TUT7: variants seen among roughly 807,000 people sequenced by gnomAD.
TUT7 encodes terminal uridylyl transferase 7, also known as terminal uridylyltransferase 7.
TUT7 carries 33 observed loss-of-function variants against 165.9 expected under a neutral mutation model. The observed-to-expected ratio is 0.20, with a 90% CI of 0.15 to 0.27. The LOEUF (loss-of-function observed/expected upper bound fraction) is 0.27. Among genes scored for constraint, TUT7 ranks in the 10% least tolerant of loss-of-function variants. The probability of loss-of-function intolerance (pLI) is 1.00; values close to 1 mark genes in which losing one functional copy is unlikely to be tolerated. For synonymous variants in TUT7, 552 were observed against 608.1 expected, an observed-to-expected ratio of 0.91 and a Z score of 1.36; for missense variants, 1,338 against 1,762.3, an observed-to-expected ratio of 0.76 and a Z score of 4.31.
chr9:86,344,812 T>C, intron 5 of TUT7, 165 bp downstream of exon 5: 1 of 638,358 alleles, frequency 1.6e-6, no homozygotes, highest in Non-Finnish European at 2.6e-6. Flanking sequence ...TGAAAGTCCT[T>C]GTTACCTTAG....
At chr9:86,324,178 G>C (rs1829579186) in intron 12 of TUT7, among the ~76,000 whole-genome samples, 1 of 152,052 alleles carries the variant, frequency 6.6e-6, no homozygotes, top group East Asian at 1.9e-4. Flanking sequence ...CTCTATGAAG[G>C]GAACCCATTC....
intron 2 of TUT7, among the ~76,000 whole-genome samples, chr9:86,347,424 T>C (rs926131720): frequency 6.6e-6 from 1 of 152,202 alleles, no homozygotes; most frequent in Non-Finnish European, 1.5e-5. Context: ...AACACATTAG[T>C]GCTTGGAAAC....
chr9:86,351,696 C>G (rs961402899), intron 2 of TUT7, among the ~76,000 whole-genome samples: 1 of 152,168 alleles, frequency 6.6e-6, no homozygotes, highest in African/African-American at 2.4e-5. Flanking sequence ...AGAGAAAAGG[C>G]ATCGGGTGAT....
At chr9:86,305,371 C>T (rs1827369036) in intron 22 of TUT7, 132 bp from the exon 23 acceptor site, 1 of 626,754 alleles carries the variant, frequency 1.6e-6, no homozygotes, top group Admixed American at 3.6e-5. Flanking sequence ...TTTAAATTCA[C>T]ATGATAGAAA....
chr9:86,344,865 A>C, intron 5 of TUT7, 112 bp downstream of exon 5: 6 of 1,071,876 alleles, frequency 5.6e-6, no homozygotes, highest in Non-Finnish European at 7.8e-6. Flanking sequence ...AGAAAACACA[A>C]GAGCTTCATG....
intron 6 of TUT7, among the ~76,000 whole-genome samples, chr9:86,342,187 G>C (rs1831383660): frequency 6.6e-6 from 1 of 152,000 alleles, no homozygotes; most frequent in Non-Finnish European, 1.5e-5. Flanking sequence ...TTTTGAGAGA[G>C]GTGGGGCTGG....
intron 25 of TUT7, 98 bp from the exon 26 acceptor site, chr9:86,301,699 G>A: frequency 6.6e-7 from 1 of 1,512,248 alleles, no homozygotes; most frequent in Non-Finnish European, 8.8e-7. Flanking sequence ...AGATTTAAGA[G>A]ATGACCAGGA....
rs369805048 is a variant in TUT7 at position 86,350,328 on chromosome 9, C to T, written c.520+2352G>A. ...CCTGGGCTACAGAGCGAGACTCCAT[C>T]TCAAAAAAGAGAATAATAATAATAA... is the stretch of plus-strand genomic sequence containing the variant. On this transcript the variant is annotated intron_variant, in intron 2 of 26. Coordinates refer to ENST00000375963, the MANE Select transcript of TUT7 (RefSeq NM_024617.4). Among the ~76,000 whole-genome samples, 12 of 151,980 alleles carry T rather than the reference C, an allele frequency of 7.9e-5. 1 individual carries two copies. In the East Asian group the frequency reaches 1.4e-3, roughly 17 times the overall value.
At chr9:86,337,351 T>C (rs1039933718) in intron 10 of TUT7, 68 bp downstream of exon 10, 5 of 1,536,724 alleles carry the variant, frequency 3.3e-6, no homozygotes, top group Non-Finnish European at 4.4e-6. Context: ...TTTGAAATTA[T>C]GCAAAATTTA....
intron 10 of TUT7, among the ~76,000 whole-genome samples, chr9:86,329,390 G>A (rs1295087268): frequency 1.2e-4 from 18 of 152,026 alleles, no homozygotes. Flanking sequence ...AGGCATGGTG[G>A]CGCATGCCTG....
chr9:86,313,325 G>C (rs1240098263), intron 17 of TUT7, among the ~76,000 whole-genome samples: 1 of 152,082 alleles, frequency 6.6e-6, no homozygotes, highest in Non-Finnish European at 1.5e-5. Context: ...AACTGGGTGT[G>C]AACTTTCATG....
At position 86,323,326 on chromosome 9, in the gene TUT7, G is replaced by C. The variant is rs371448305; in HGVS notation, c.2424C>G (p.Asn808Lys). 67 of 1,613,950 alleles carry C rather than the reference G, an allele frequency of 4.2e-5. No homozygotes were observed. Among genetic ancestry groups the C allele is most frequent in the Middle Eastern group, 1.6e-4 (1 of 6,084 alleles). ...KECEGLATLD[N>K]KADLDGESTE... ...TACTTTCTCCATCAAGATCAGCCTTGTTATCTAAAGTGGCAAGTCCCTCAC... is the reference window on the plus strand; with the variant it reads ...TACTTTCTCCATCAAGATCAGCCTTCTTATCTAAAGTGGCAAGTCCCTCAC... Residue 808 changes from asparagine (N) to lysine (K), a missense_variant, in exon 13 of 27, where the codon AAC (asparagine) becomes AAG (lysine). Around this residue, in one of 7 missense-constraint regions of TUT7, gnomAD observed 425 missense variants for 474.9 expected, o/e 0.89. Coordinates refer to ENST00000375963, the MANE Select transcript of TUT7 (RefSeq NM_024617.4).
chr9:86,343,199 C>T, intron 5 of TUT7, 36 bp from the exon 6 acceptor site: 1 of 1,282,690 alleles, frequency 7.8e-7, no homozygotes, highest in Non-Finnish European at 1.1e-6. Context: ...GTAATAAATA[C>T]AGTAGAATTT....
In TUT7 at chr9:86,305,334, C is replaced by A. The variant is rs1827367080; in HGVS notation, c.3839-95G>T. 3 of 830,986 alleles carry A rather than the reference C, an allele frequency of 3.6e-6. No individual in the cohort carries two copies. In the South Asian group the frequency reaches 5.5e-5, roughly 15 times the overall value. 51.5% of individuals were successfully genotyped at this position (830,986 alleles called of 1,614,324 possible). On this transcript the variant is annotated intron_variant, in intron 22 of 26. Coordinates refer to ENST00000375963, the MANE Select transcript of TUT7 (RefSeq NM_024617.4). ...AGTTCATAAAACAAGACAAGAATAT[C>A]ATCTACTTTGCTTATCATTAATAAG...
intron 5 of TUT7, among the ~76,000 whole-genome samples, chr9:86,343,605 C>A (rs1831500712): frequency 6.6e-6 from 1 of 151,686 alleles, no homozygotes; most frequent in Non-Finnish European, 1.5e-5. Flanking sequence ...TAGAATGCAC[C>A]CATTGGTGTA....
rs553756813 is a variant in TUT7, at chr9:86,300,047, A to C, written c.4420+1229T>G. ...GAATGCTCAATGAATGTTAGCAACTATTATTATTGTAATTTCTTTTAAATA... is the reference window on the plus strand; with the variant it reads ...GAATGCTCAATGAATGTTAGCAACTCTTATTATTGTAATTTCTTTTAAATA... On this transcript the variant is annotated intron_variant, in intron 26 of 26. Coordinates refer to ENST00000375963, the MANE Select transcript of TUT7 (RefSeq NM_024617.4). 3.3e-5 allele frequency among the ~76,000 whole-genome samples: 5 copies of C among 152,354 alleles called. No homozygotes were observed. The East Asian group carries it at 9.6e-4, about 29-fold the overall frequency.
chr9:86,344,289 C>T (rs1026227266), intron 5 of TUT7, among the ~76,000 whole-genome samples: 2 of 151,994 alleles, frequency 1.3e-5, no homozygotes, highest in African/African-American at 4.8e-5. Context: ...TTTACCTAAA[C>T]AGCAATGGCC....
intron 6 of TUT7, among the ~76,000 whole-genome samples, chr9:86,342,458 T>A (rs780903988): frequency 5.3e-5 from 8 of 152,168 alleles, no homozygotes; most frequent in Non-Finnish European, 1.0e-4. Flanking sequence ...TGGAATGCAG[T>A]GGCAATTCTC....
intron 12 of TUT7, among the ~76,000 whole-genome samples, chr9:86,324,198 C>T (rs1829580697): frequency 6.6e-6 from 1 of 152,108 alleles, no homozygotes; most frequent in Middle Eastern, 3.2e-3. Flanking sequence ...CTGTTCAGAA[C>T]CAGTACCCCT....
Sources: allele counts gnomAD v4.1 joint callset (sites outside exome capture counted in the v4.1 genomes callset), GRCh38; gene constraint gnomAD v4.1.1; regional missense constraint gnomAD v4.1.1; transcripts MANE v1.5; gene names NCBI Gene and HGNC (gene_info 2026-07-23, HGNC 2026-07-21).